Variants in GKAP1 observed in about 807,000 individuals in gnomAD.
GKAP1 encodes the protein G kinase anchoring protein 1, also known as G kinase-anchoring protein 1.
Under a neutral mutation model 56.7 loss-of-function variants are expected in GKAP1, and 31 were observed. The observed-to-expected ratio is 0.55, with a 90% confidence interval of 0.41 to 0.74. The LOEUF (loss-of-function observed/expected upper bound fraction) is 0.74. Ranked by LOEUF, GKAP1 falls within the 30% of genes least tolerant of loss-of-function variation. The pLI is 0.00. For synonymous variants in GKAP1, 151 were observed against 138.6 expected, an observed-to-expected ratio of 1.09 and a Z score of -0.63; for missense variants, 364 against 402.3, an observed-to-expected ratio of 0.90 and a Z score of 0.82.
intron 4 of GKAP1, among the ~76,000 whole-genome samples, chr9:83,797,278 G>C (rs571456019): frequency 5.9e-5 from 9 of 152,156 alleles, no homozygotes; most frequent in Non-Finnish European, 8.8e-5. Context: ...TCCATGTCCA[G>C]CTTTCTGTCT....
chr9:83,806,604 G>T, intron 2 of GKAP1, 44 bp from the exon 3 acceptor site: 5 of 1,058,376 alleles, frequency 4.7e-6, no homozygotes, highest in South Asian at 1.5e-5. Flanking sequence ...AACAAACAGA[G>T]TAAAATCTGT....
chr9:83,775,889 A>AG (rs1943852572), intron 7 of GKAP1, among the ~76,000 whole-genome samples: 2 of 151,038 alleles, frequency 1.3e-5, no homozygotes, highest in African/African-American at 4.9e-5. Context: ...AAAAAAAAAA[A>AG]AAAAAAAAAA....
In GKAP1 at chr9:83,780,240, A is replaced by T. The variant is rs79951879; in HGVS notation, c.585+142T>A. ...ATTTTACATCCTTATATAATGGCAG[A>T]AACATGACTGGGTTCACTCAAGACA... On this transcript the variant is annotated intron_variant, in intron 7 of 12. Transcript: ENST00000376371. 7.8e-4 allele frequency: 413 copies of T among 530,180 alleles called. 2 individuals carry two copies. The highest frequency in any genetic ancestry group is 1.5e-3 in the Admixed American group (41 of 27,658). 32.8% of individuals were successfully genotyped at this position (530,180 alleles called of 1,614,324 possible). A position where few individuals can be genotyped will look rare whatever the true frequency, so the allele number is the denominator to read the frequency against.
intron 9 of GKAP1, among the ~76,000 whole-genome samples, chr9:83,751,080 C>T (rs1438947586): frequency 6.6e-6 from 1 of 152,184 alleles, no homozygotes. Context: ...CGTGATCCGC[C>T]TGCCCCGGCC....
chr9:83,754,270 T>C lies in GKAP1; in HGVS notation c.739-911A>G, dbSNP rs77585665. Among the ~76,000 whole-genome samples, 1,407 of 152,302 alleles carry C rather than the reference T, an allele frequency of 9.2e-3. 31 individuals carry two copies. Among genetic ancestry groups the C allele is most frequent in the African/African-American group, 0.03 (1,227 of 41,564 alleles). ...ACTGGGAAAAATCAGGTTAAATCCC[T>C]GTCATCTTGCACCATATACCAAAAT... On this transcript the variant is annotated intron_variant, in intron 8 of 12. Coordinates refer to ENST00000376371, the MANE Select transcript of GKAP1 (RefSeq NM_025211.4).
chr9:83,760,389 G>T (rs190953188), intron 8 of GKAP1, among the ~76,000 whole-genome samples: 1 of 152,098 alleles, frequency 6.6e-6, no homozygotes, highest in Non-Finnish European at 1.5e-5. Context: ...TAGAGCTAAA[G>T]AGAGAGATGG....
intron 8 of GKAP1, among the ~76,000 whole-genome samples, chr9:83,760,057 C>T (rs546134560): frequency 7.2e-5 from 11 of 152,106 alleles, no homozygotes; most frequent in Non-Finnish European, 1.5e-4. Flanking sequence ...GTTTCTTCTT[C>T]TTCATCTCTG....
chr9:83,799,998 C>T (rs1424247665), intron 3 of GKAP1, among the ~76,000 whole-genome samples: 1 of 152,070 alleles, frequency 6.6e-6, no homozygotes, highest in Non-Finnish European at 1.5e-5. Context: ...CAAAACAATA[C>T]AGTTCAGAAA....
intron 7 of GKAP1, among the ~76,000 whole-genome samples, chr9:83,776,070 C>T (rs1365377930): frequency 6.6e-6 from 1 of 151,852 alleles, no homozygotes; most frequent in East Asian, 1.9e-4. Flanking sequence ...AATGGAGAGT[C>T]CTAAAGCTGT....
chr9:83,772,014 A>G (rs1564198047), intron 7 of GKAP1, among the ~76,000 whole-genome samples: 1 of 152,010 alleles, frequency 6.6e-6, no homozygotes, highest in Non-Finnish European at 1.5e-5. Flanking sequence ...TAGAGATGGG[A>G]TTTTTTTCAA....
intron 7 of GKAP1, among the ~76,000 whole-genome samples, chr9:83,779,616 C>CGTATATGTGTATATATACACACATAT (rs1564201926): frequency 5.1e-5 from 6 of 117,576 alleles, no homozygotes; most frequent in Non-Finnish European, 8.8e-5. Context: ...CACATATACA[C>CGTATATGTGTATATATACACACATAT]ACACACACAC....
intron 6 of GKAP1, among the ~76,000 whole-genome samples, chr9:83,784,488 C>T (rs948290969): frequency 1.3e-5 from 2 of 152,116 alleles, no homozygotes; most frequent in Non-Finnish European, 2.9e-5. Context: ...TCCCAGCTTC[C>T]AGAACTGTGA....
intron 11 of GKAP1, 133 bp downstream of exon 11, chr9:83,742,397 G>T: frequency 1.6e-6 from 1 of 626,740 alleles, no homozygotes. Context: ...TCATTCATGG[G>T]CTATTACATA....
intron 2 of GKAP1, among the ~76,000 whole-genome samples, chr9:83,815,605 C>T (rs570837477): frequency 1.5e-3 from 225 of 151,484 alleles, no homozygotes; most frequent in African/African-American, 5.3e-3. Context: ...CACAATTATA[C>T]ATATAAAATC....
intron 9 of GKAP1, among the ~76,000 whole-genome samples, chr9:83,751,281 C>T (rs1434492493): frequency 6.6e-6 from 1 of 152,174 alleles, no homozygotes; most frequent in South Asian, 2.1e-4. Context: ...ACATACAATT[C>T]TCTCTACCTG....
chr9:83,764,959 C>T (rs1006662198), intron 8 of GKAP1, among the ~76,000 whole-genome samples: 1 of 152,208 alleles, frequency 6.6e-6, no homozygotes, highest in African/African-American at 2.4e-5. Flanking sequence ...AAGTCTACCA[C>T]ACAAGTGAGA....
rs537237012 is a variant in GKAP1 at position 83,817,078 on chromosome 9, G to A, written c.-126C>T. On this transcript the variant is annotated 5_prime_UTR_variant, in exon 2 of 13. Coordinates refer to ENST00000376371, the MANE Select transcript of GKAP1 (RefSeq NM_025211.4). ...CTTATTCGCAAAGTACATAGAGAAA[G>A]AAATTGCGCTGGGCGAAACCTAACT... 2.8e-4 allele frequency: 43 copies of A among 152,342 alleles called. No individual in the cohort carries two copies. Among genetic ancestry groups the A allele is most frequent in the Middle Eastern group, 6.8e-3 (2 of 294 alleles). The allele number at this position is 152,342 out of a possible 1,614,324, so 9.4% of individuals were successfully genotyped here. A position where few individuals can be genotyped will look rare whatever the true frequency, so the allele number is the denominator to read the frequency against.
At chr9:83,760,379 T>C (rs1195556791) in intron 8 of GKAP1, among the ~76,000 whole-genome samples, 1 of 152,142 alleles carries the variant, frequency 6.6e-6, no homozygotes, top group Non-Finnish European at 1.5e-5. Context: ...CAAATATTAT[T>C]AGAGCTAAAG....
intron 8 of GKAP1, among the ~76,000 whole-genome samples, chr9:83,765,127 G>T (rs905252135): frequency 6.6e-6 from 1 of 152,156 alleles, no homozygotes; most frequent in Non-Finnish European, 1.5e-5. Context: ...TGCAGCCTAG[G>T]GACTTGGTGC....
Sources: allele counts gnomAD v4.1 joint callset (sites outside exome capture counted in the v4.1 genomes callset), GRCh38; gene constraint gnomAD v4.1.1; transcripts MANE v1.5; gene names NCBI Gene and HGNC (gene_info 2026-07-23, HGNC 2026-07-21).